The following ZNF341 variants were observed in gnomAD, a reference collection of about 807,000 sequenced individuals.
ZNF341 encodes zinc finger protein 341.
A neutral mutation model predicts 87.7 loss-of-function variants in ZNF341; 52 were observed. The observed-to-expected ratio is 0.59, with a 90% CI of 0.47 to 0.75. The LOEUF (loss-of-function observed/expected upper bound fraction) is 0.75, where lower values mean the gene tolerates loss of function less well. ZNF341 is among the 30% of genes least tolerant of loss of function. The pLI, the probability that ZNF341 is intolerant of heterozygous loss-of-function variation, is 0.00. For synonymous variants in ZNF341, 459 were observed against 472.7 expected (o/e 0.97, Z 0.38); for missense variants, 977 against 1,145.9 (o/e 0.85, Z 2.13).
intron 3 of ZNF341, among the ~76,000 whole-genome samples, chr20:33,747,633 A>AC (rs1568937036): frequency 3.0e-5 from 4 of 132,666 alleles, no homozygotes; most frequent in South Asian, 4.5e-4. Flanking sequence ...AAAAAAAAAA[A>AC]AAAAAAAAAC....
chr20:33,758,635 G>T, intron 6 of ZNF341, 81 bp from the exon 7 acceptor site: 1 of 1,109,090 alleles, frequency 9.0e-7, no homozygotes. Flanking sequence ...GTCTGGCTCA[G>T]ATACAGTAGT....
At chr20:33,781,464 C>G in intron 11 of ZNF341, 77 bp downstream of exon 11, 1 of 1,305,440 alleles carries the variant, frequency 7.7e-7, no homozygotes, top group Middle Eastern at 1.8e-4. Context: ...CACACCTCAC[C>G]CTTTCCTTCT....
rs138296138 is a variant in ZNF341 at position 33,755,678 on chromosome 20, G to A, written c.742-1470G>A. 3.9e-4 allele frequency among the ~76,000 whole-genome samples: 55 copies of A among 142,776 alleles called. 1 individual carries two copies. The highest frequency in any genetic ancestry group is 1.1e-3 in the African/African-American group (43 of 37,958). 93.7% of individuals were successfully genotyped at this position (142,776 alleles called of 152,430 possible). A position where few individuals can be genotyped will look rare whatever the true frequency, so the allele number is the denominator to read the frequency against. Reference sequence around the variant, plus strand: ...CATGATCACGGCTCACCACAGTCTCGATCTCCCAGGCTCAGATGATTCTCC... The same window carrying A: ...CATGATCACGGCTCACCACAGTCTCAATCTCCCAGGCTCAGATGATTCTCC... On this transcript the variant is annotated intron_variant, in intron 5 of 14. Transcript: ENST00000375200.
At chr20:33,749,581 G>C (rs1030230173) in intron 4 of ZNF341, among the ~76,000 whole-genome samples, 1 of 152,110 alleles carries the variant, frequency 6.6e-6, no homozygotes, top group Admixed American at 6.6e-5. Flanking sequence ...ACAGGTGTGA[G>C]CCACTGTGCC....
chr20:33,759,490 G>A (rs2019249480), intron 7 of ZNF341, among the ~76,000 whole-genome samples: 1 of 152,058 alleles, frequency 6.6e-6, no homozygotes, highest in African/African-American at 2.4e-5. Context: ...CTCCATGTTG[G>A]TCAGGCTGGT....
In ZNF341 at chr20:33,788,869, A is replaced by G; in HGVS notation, c.1859A>G (p.Lys620Arg). Residue 620 changes from lysine to arginine, a missense_variant, in exon 13 of 15, where the codon AAG (lysine) becomes AGG (arginine). Physicochemically the swap from Lys to Arg is conservative, Grantham distance 26 (BLOSUM62 2). This residue lies in a region of ZNF341 where 241 missense variants were observed against 335.0 expected (regional missense o/e 0.72). Coordinates refer to ENST00000375200, the MANE Select transcript of ZNF341 (RefSeq NM_001282933.2). The stretch of plus-strand genomic sequence containing the variant: ...CTGTCTGTGTCTGCTGCAGGTGAGA[A>G]GCCCTACAAATGCTCAGTGTGCGAG... ...KLHAHIHSGEKPYKCSVCESA... is the reference protein window; with the variant it reads ...KLHAHIHSGERPYKCSVCESA... The G allele has an allele frequency of 6.2e-7, 1 of 1,613,944 alleles. No individual in the cohort carries two copies. The highest frequency in any genetic ancestry group is 8.5e-7 in the Non-Finnish European group (1 of 1,179,916).
Position 33,791,218 on chromosome 20 carries a change from T to A in ZNF341, c.2266T>A (p.Cys756Ser). 1 of 1,612,162 alleles carries A rather than the reference T, an allele frequency of 6.2e-7. No homozygotes were observed. Among genetic ancestry groups the A allele is most frequent in the Non-Finnish European group, 8.5e-7 (1 of 1,179,538 alleles). The change falls in exon 15 of 15, where the codon TGC becomes AGC. Residue 756 changes from cysteine to serine, a missense_variant. Around this residue, in one of 3 missense-constraint regions of ZNF341, gnomAD observed 221 missense variants for 212.7 expected, o/e 1.04. Transcript: ENST00000375200. The stretch of plus-strand genomic sequence containing the variant: ...CCAGAGGAGGGCAGCCCCCCGCAGT[T>A]GCGGCAGTGGTGGGCGCAAGGTGCT... ...PPQRRAAPRS[C>S]GSGGRKVLTP...
chr20:33,742,483 C>T (rs1385461068), intron 2 of ZNF341, among the ~76,000 whole-genome samples: 2 of 152,270 alleles, frequency 1.3e-5, no homozygotes, highest in African/African-American at 4.8e-5. Flanking sequence ...GCGTGAGCCA[C>T]ACCGCCCGGC....
At chr20:33,780,490 C>G (rs2019719519) in intron 10 of ZNF341, among the ~76,000 whole-genome samples, 2 of 151,944 alleles carry the variant, frequency 1.3e-5, no homozygotes, top group South Asian at 4.2e-4. Flanking sequence ...TCACTGCAAC[C>G]TCCGCCTCCT....
At position 33,740,992 on chromosome 20, in the gene ZNF341, C is replaced by T. The variant is rs1480678887; in HGVS notation, c.122C>T (p.Pro41Leu). The change falls in exon 2 of 15, where the codon CCC becomes CTC. Residue 41 changes from proline to leucine, a missense_variant. Pro to Leu is a moderately conservative substitution (Grantham distance 98). Coordinates refer to ENST00000375200, the MANE Select transcript of ZNF341 (RefSeq NM_001282933.2). The part of the protein sequence containing the change: ...PDPTGQSVNA[P>L]PAIQPLDDED... ...CCGACAGGCCAGAGTGTCAATGCGC[C>T]CCCTGCTATCCAGCCATTGGGTGAG... 6.2e-7 allele frequency: 1 copy of T among 1,614,132 alleles called. No individual in the cohort carries two copies. The highest frequency in any genetic ancestry group is 1.3e-5 in the African/African-American group (1 of 75,020).
intron 4 of ZNF341, among the ~76,000 whole-genome samples, chr20:33,749,939 G>A (rs751007198): frequency 6.6e-6 from 1 of 151,688 alleles, no homozygotes; most frequent in Non-Finnish European, 1.5e-5. Flanking sequence ...TTTTAGTAGA[G>A]ATGGGGTTTC....
intron 1 of ZNF341, among the ~76,000 whole-genome samples, chr20:33,737,316 T>A (rs1316195426): frequency 6.6e-6 from 1 of 151,824 alleles, no homozygotes; most frequent in Admixed American, 6.6e-5. Flanking sequence ...TATTTATTTA[T>A]TTATTTTTTA....
At chr20:33,774,841 G>A (rs1187283022) in intron 10 of ZNF341, among the ~76,000 whole-genome samples, 1 of 152,096 alleles carries the variant, frequency 6.6e-6, no homozygotes, top group Non-Finnish European at 1.5e-5. Flanking sequence ...GGTGGCATGT[G>A]CCTGTAGTCC....
At chr20:33,748,714 A>G (rs975459889) in intron 3 of ZNF341, among the ~76,000 whole-genome samples, 2 of 152,184 alleles carry the variant, frequency 1.3e-5, no homozygotes, top group Non-Finnish European at 2.9e-5. Context: ...ACAGAGAGGT[A>G]GAGTGACTTG....
chr20:33,767,126 G>A (rs2019424819), intron 9 of ZNF341, 85 bp downstream of exon 9: 1 of 1,483,486 alleles, frequency 6.7e-7, no homozygotes, highest in South Asian at 1.3e-5. Context: ...TGCCTAGAAA[G>A]GGGTAGGAAC....
chr20:33,767,044 A>T lies in ZNF341; in HGVS notation c.1413+3A>T. The T allele has an allele frequency of 2.5e-6, 4 of 1,609,988 alleles. No individual in the cohort carries two copies. Among genetic ancestry groups the T allele is most frequent in the Non-Finnish European group, 3.4e-6 (4 of 1,177,582 alleles). On this transcript the variant is annotated splice_donor_region_variant and intron_variant, in intron 9 of 14. Transcript: ENST00000375200. Reference sequence around the variant, plus strand: ...TGACCCAGCATAAGAATGAGCAGGTAGGTGGATGGTGGCAGCAGGGGCCCA... The same window carrying T: ...TGACCCAGCATAAGAATGAGCAGGTTGGTGGATGGTGGCAGCAGGGGCCCA...
At chr20:33,778,822 A>G (rs2019679274) in intron 10 of ZNF341, among the ~76,000 whole-genome samples, 1 of 152,182 alleles carries the variant, frequency 6.6e-6, no homozygotes, top group South Asian at 2.1e-4. Flanking sequence ...ATGCTGGCAA[A>G]TGTTTTCTTT....
intron 8 of ZNF341, among the ~76,000 whole-genome samples, chr20:33,763,181 T>C (rs2019332046): frequency 6.6e-6 from 1 of 152,344 alleles, no homozygotes; most frequent in East Asian, 1.9e-4. Context: ...TACATTCATT[T>C]AAAAAATTTT....
At chr20:33,781,455 AC>A (rs2019742392) in intron 11 of ZNF341, 68 bp downstream of exon 11, 1 of 1,356,398 alleles carries the variant, frequency 7.4e-7, no homozygotes, top group African/African-American at 1.4e-5. Flanking sequence ...GGTGGGGTGC[AC>A]ACCTCACCCT....
Sources: gnomAD v4.1 joint callset for allele counts (sites outside exome capture counted in the v4.1 genomes callset) on GRCh38, gnomAD v4.1.1 for gene constraint, gnomAD v4.1.1 regional missense constraint, MANE v1.5 for transcripts, NCBI Gene and HGNC (gene_info 2026-07-23, HGNC 2026-07-21) for gene names.